Variants in TBL1XR1 observed in about 807,000 individuals in gnomAD.
The protein encoded by TBL1XR1 is F-box-like/WD repeat-containing protein TBL1XR1.
In TBL1XR1, 5 loss-of-function variants were observed where a neutral mutation model predicts 66.9. The ratio of observed to expected loss-of-function variants is 0.07; its 90% CI spans 0.04 to 0.16. TBL1XR1 has a LOEUF of 0.16. Ranked by LOEUF, TBL1XR1 falls within the 10% of genes least tolerant of loss-of-function variation. TBL1XR1 has a pLI of 1.00. For synonymous variants in TBL1XR1, 210 were observed against 206.0 expected (o/e 1.02, Z -0.17); for missense variants, 238 against 623.2 (o/e 0.38, Z 6.58).
chr3:177,096,862 G>A (rs1723559433), intron 2 of TBL1XR1, among the ~76,000 whole-genome samples: 1 of 152,106 alleles, frequency 6.6e-6, no homozygotes, highest in Admixed American at 6.5e-5. Flanking sequence ...GGTAAAGCTT[G>A]GCTTGGGGGG....
At chr3:177,087,693 AT>A (rs11331061) in intron 2 of TBL1XR1, among the ~76,000 whole-genome samples, 47,027 of 149,746 alleles carry the variant, frequency 0.31, 7,697 homozygotes, top group East Asian at 0.58. Context: ...CTCAAGCAAA[AT>A]TTTTTTTTTT....
chr3:177,131,436 A>G, intron 1 of TBL1XR1: 1 of 963,874 alleles, frequency 1.0e-6, no homozygotes, highest in Non-Finnish European at 1.2e-6. Flanking sequence ...TTCCAAAGAT[A>G]CTTATTCCCA....
intron 1 of TBL1XR1, among the ~76,000 whole-genome samples, chr3:177,172,699 A>G (rs9852728): frequency 0.57 from 69,336 of 122,538 alleles, 20,126 homozygotes; most frequent in East Asian, 0.71. Context: ...GGAGGGGAGG[A>G]GAGGGAAGAG....
In TBL1XR1 at chr3:177,074,568, CCCCA is replaced by C. The variant is rs746621264; in HGVS notation, c.-45-9550_-45-9547del. Among the ~76,000 whole-genome samples the C allele has an allele frequency of 1.7e-4, 26 of 152,150 alleles. 1 individual carries two copies. Among genetic ancestry groups the C allele is most frequent in the Admixed American group, 6.6e-5 (1 of 15,262 alleles). ...CTCTCTGCCTTGACAACTTCCTCAT[CCCCA>C]CCTTCTCGTGAGCCTGAAATCTGAT... is the stretch of plus-strand genomic sequence containing the variant. On this transcript the variant is annotated intron_variant, in intron 2 of 15. Transcript: ENST00000457928.
intron 2 of TBL1XR1, among the ~76,000 whole-genome samples, chr3:177,079,226 T>G (rs1420346951): frequency 1.3e-5 from 2 of 151,576 alleles, no homozygotes; most frequent in African/African-American, 4.9e-5. Context: ...GGTCAGGAGA[T>G]CAAGACCATC....
chr3:177,079,152 C>A (rs945969389), intron 2 of TBL1XR1, among the ~76,000 whole-genome samples: 1 of 151,990 alleles, frequency 6.6e-6, no homozygotes, highest in African/African-American at 2.4e-5. Flanking sequence ...AAAATGTCGG[C>A]CGGGTGCGGT....
Position 177,163,229 on chromosome 3 carries a change from G to A in TBL1XR1, c.-122+33892C>T, listed in dbSNP as rs557425645. ...CCATTTAAAAGAAAAAAAAGAGGCC[G>A]GGCGTGGTGGCTCACGCTTGTAATC... is the stretch of plus-strand genomic sequence containing the variant. On this transcript the variant is annotated intron_variant, in intron 1 of 15. Coordinates refer to ENST00000457928, the MANE Select transcript of TBL1XR1 (RefSeq NM_024665.7). 7.2e-5 allele frequency among the ~76,000 whole-genome samples: 11 copies of A among 152,180 alleles called. No individual in the cohort carries two copies. In the South Asian group the frequency reaches 1.5e-3, roughly 20 times the overall value.
chr3:177,037,157 T>C (rs913947552), intron 12 of TBL1XR1, among the ~76,000 whole-genome samples: 23 of 152,224 alleles, frequency 1.5e-4, no homozygotes, highest in Admixed American at 1.4e-3. Flanking sequence ...TACATAGTCA[T>C]ACCACAGCAA....
chr3:177,037,976 T>TG (rs1459953680), intron 12 of TBL1XR1, 122 bp downstream of exon 12: 6 of 726,756 alleles, frequency 8.3e-6, no homozygotes, highest in African/African-American at 1.8e-5. Flanking sequence ...TTTAAAATGT[T>TG]GGAGTTTTCA....
chr3:177,048,329 G>C (rs1187284136), intron 7 of TBL1XR1, among the ~76,000 whole-genome samples: 3 of 152,176 alleles, frequency 2.0e-5, no homozygotes, highest in Admixed American at 6.5e-5. Context: ...ATAGTAAACA[G>C]ACTATTGCTA....
chr3:177,184,771 C>G (rs1035103212), intron 1 of TBL1XR1, among the ~76,000 whole-genome samples: 1 of 151,118 alleles, frequency 6.6e-6, no homozygotes, highest in Non-Finnish European at 1.5e-5. Flanking sequence ...TGCACTCCAG[C>G]CTGGATGAGA....
At chr3:177,072,838 TG>T (rs1298241932) in intron 2 of TBL1XR1, among the ~76,000 whole-genome samples, 4 of 151,852 alleles carry the variant, frequency 2.6e-5, no homozygotes, top group Non-Finnish European at 5.9e-5. Flanking sequence ...CCGAGGCGGG[TG>T]GATCACTTGA....
intron 2 of TBL1XR1, among the ~76,000 whole-genome samples, chr3:177,067,495 C>G (rs1239784314): frequency 1.3e-5 from 2 of 152,072 alleles, no homozygotes; most frequent in Non-Finnish European, 2.9e-5. Flanking sequence ...TCCAGCACCA[C>G]CTAATGCATT....
intron 7 of TBL1XR1, chr3:177,047,824 C>T: frequency 2.6e-6 from 1 of 380,378 alleles, no homozygotes; most frequent in Admixed American, 4.0e-5. Flanking sequence ...CTCATGCATG[C>T]CAAAAGTATT....
intron 2 of TBL1XR1, among the ~76,000 whole-genome samples, chr3:177,065,968 A>G (rs1199815071): frequency 6.6e-6 from 1 of 152,166 alleles, no homozygotes; most frequent in Non-Finnish European, 1.5e-5. Context: ...ATAAAAATGT[A>G]AAGACCTTTC....
intron 1 of TBL1XR1, among the ~76,000 whole-genome samples, chr3:177,178,456 GAAGAC>G (rs1734417703): frequency 1.3e-5 from 2 of 152,100 alleles, no homozygotes; most frequent in African/African-American, 2.4e-5. Flanking sequence ...AAAAAAAAAG[GAAGAC>G]CATCCCTATG....
rs569350527 is a variant in TBL1XR1 at position 177,033,766 on chromosome 3, A to G, written c.1250+432T>C. ...ACTTAGCCATAAAAAGAAATAAAAT[A>G]TTGTCCTTTGCAGTGACTTGGATAG... On this transcript the variant is annotated intron_variant, in intron 13 of 15. Coordinates refer to ENST00000457928, the MANE Select transcript of TBL1XR1 (RefSeq NM_024665.7). 3.9e-5 allele frequency among the ~76,000 whole-genome samples: 6 copies of G among 152,288 alleles called. No individual in the cohort carries two copies. The South Asian group carries it at 1.2e-3, about 32-fold the overall frequency.
At chr3:177,112,345 T>C (rs1577203454) in intron 1 of TBL1XR1, among the ~76,000 whole-genome samples, 1 of 151,422 alleles carries the variant, frequency 6.6e-6, no homozygotes, top group Admixed American at 6.6e-5. Flanking sequence ...TAACCCCAGG[T>C]GATCCACCCA....
chr3:177,197,717 G>C (rs1450670206), upstream of TBL1XR1, among the ~76,000 whole-genome samples: 3 of 145,712 alleles, frequency 2.1e-5, no homozygotes, highest in East Asian at 6.0e-4. Context: ...CGGCGGGGGG[G>C]CTCCAGCGGC....
Sources: gnomAD v4.1 joint callset for allele counts (sites outside exome capture counted in the v4.1 genomes callset) on GRCh38, gnomAD v4.1.1 for gene constraint, MANE v1.5 for transcripts, NCBI Gene and HGNC (gene_info 2026-07-23, HGNC 2026-07-21) for gene names.